Variants in MBNL2 observed in about 807,000 individuals in gnomAD.
MBNL2 encodes muscleblind like splicing regulator 2, also known as muscleblind-like protein 2.
A neutral mutation model predicts 41.9 loss-of-function variants in MBNL2; 17 were observed. The ratio of observed to expected loss-of-function variants is 0.41; its 90% confidence interval spans 0.28 to 0.61. The LOEUF (loss-of-function observed/expected upper bound fraction) is 0.61, where lower values mean the gene tolerates loss of function less well. MBNL2 is among the 20% of genes least tolerant of loss of function. The pLI, the probability that MBNL2 is intolerant of heterozygous loss-of-function variation, is 0.35. For missense variants in MBNL2, 336 were observed against 505.6 expected (o/e 0.66, Z 3.22); for synonymous variants, 195 against 182.9 (o/e 1.07, Z -0.53).
At chr13:97,204,165 CT>C in the MBNL2 span, among the ~76,000 whole-genome samples, 3 of 152,306 alleles carry the variant, frequency 2.0e-5, no homozygotes, top group Admixed American at 6.5e-5. Flanking sequence ...CACACGTACT[CT>C]TTCTGGGAGA....
chr13:97,300,938 A>G (rs1255544974), intron 2 of MBNL2, among the ~76,000 whole-genome samples: 1 of 152,248 alleles, frequency 6.6e-6, no homozygotes, highest in East Asian at 1.9e-4. Context: ...GAGTGATGAG[A>G]CGGAATTGTC....
the MBNL2 span, among the ~76,000 whole-genome samples, chr13:97,193,168 A>G: frequency 2.0e-5 from 3 of 152,242 alleles, no homozygotes; most frequent in African/African-American, 4.8e-5. Context: ...TCAGAAGTGA[A>G]GAAAAGAGAA....
chr13:97,259,342 G>A (rs1036474826), intron 1 of MBNL2, among the ~76,000 whole-genome samples: 1 of 152,094 alleles, frequency 6.6e-6, no homozygotes, highest in African/African-American at 2.4e-5. Context: ...CCCAGCTTTT[G>A]TCCTTTTCAC....
At chr13:97,388,079 C>T (rs768106980) in intron 8 of MBNL2, among the ~76,000 whole-genome samples, 2 of 152,084 alleles carry the variant, frequency 1.3e-5, no homozygotes, top group Non-Finnish European at 2.9e-5. Flanking sequence ...GTCTGTTGAG[C>T]TCACTTTGGT....
chr13:97,186,926 A>G, the MBNL2 span, among the ~76,000 whole-genome samples: 1 of 152,162 alleles, frequency 6.6e-6, no homozygotes. Flanking sequence ...TAATATATTA[A>G]TTTTGGATCT....
intron 3 of MBNL2, among the ~76,000 whole-genome samples, chr13:97,336,403 T>C (rs2060887422): frequency 1.3e-5 from 2 of 152,158 alleles, no homozygotes; most frequent in Admixed American, 1.3e-4. Flanking sequence ...TGTCACCTTA[T>C]AAGGAATCAG....
chr13:97,177,405 A>G, the MBNL2 span, among the ~76,000 whole-genome samples: 2 of 152,320 alleles, frequency 1.3e-5, no homozygotes, highest in East Asian at 1.9e-4. Context: ...TGCCATAAAA[A>G]TAGAACTCTT....
Position 97,275,058 on chromosome 13 carries a change from G to A in MBNL2, c.-604-574G>A, listed in dbSNP as rs112423487. 8.8e-3 allele frequency among the ~76,000 whole-genome samples: 1,337 copies of A among 152,284 alleles called. 22 individuals carry two copies. The highest frequency in any genetic ancestry group is 0.02 in the Middle Eastern group (6 of 294). ...TAGTCTTTGCCCTGTGAATGTTGCA[G>A]TGTAAATAGGAAGATAAACATTAGG... On this transcript the variant is annotated intron_variant, in intron 1 of 8. Coordinates refer to ENST00000679496, the MANE Select transcript of MBNL2 (RefSeq NM_001382683.1).
intron 1 of MBNL2, among the ~76,000 whole-genome samples, chr13:97,258,104 C>A (rs941188225): frequency 1.3e-5 from 2 of 152,042 alleles, no homozygotes; most frequent in African/African-American, 4.8e-5. Context: ...AAGGAAGGGG[C>A]GGTAGGATGC....
At chr13:97,375,103 G>A (rs916445602) in intron 8 of MBNL2, among the ~76,000 whole-genome samples, 5 of 152,256 alleles carry the variant, frequency 3.3e-5, no homozygotes, top group African/African-American at 1.2e-4. Context: ...TGTGGAGGAC[G>A]GACAAACCCA....
chr13:97,174,524 G>A, the MBNL2 span, among the ~76,000 whole-genome samples: 2 of 152,224 alleles, frequency 1.3e-5, no homozygotes, highest in East Asian at 1.9e-4. Flanking sequence ...ACTTAGCAGA[G>A]GGAAAAGAGC....
chr13:97,383,730 A>G (rs2065687972), intron 8 of MBNL2, among the ~76,000 whole-genome samples: 1 of 152,166 alleles, frequency 6.6e-6, no homozygotes, highest in African/African-American at 2.4e-5. Flanking sequence ...ATTTTTCCCC[A>G]GGACCTCAGT....
At chr13:97,250,101 C>T (rs750490901) in intron 1 of MBNL2, among the ~76,000 whole-genome samples, 1 of 152,112 alleles carries the variant, frequency 6.6e-6, no homozygotes, top group Non-Finnish European at 1.5e-5. Context: ...GCTTCTATTT[C>T]ATTTGTTCTT....
chr13:97,234,580 ATTG>A (rs760222724), intron 1 of MBNL2, among the ~76,000 whole-genome samples: 25 of 152,204 alleles, frequency 1.6e-4, no homozygotes, highest in Non-Finnish European at 3.5e-4. Flanking sequence ...ATGCTTTAAA[ATTG>A]TTTTCAGTCC....
intron 1 of MBNL2, among the ~76,000 whole-genome samples, chr13:97,263,952 G>A (rs940415368): frequency 2.0e-5 from 3 of 150,710 alleles, no homozygotes; most frequent in African/African-American, 7.3e-5. Flanking sequence ...GACAGTTGTA[G>A]TATAATCGAA....
intron 1 of MBNL2, among the ~76,000 whole-genome samples, chr13:97,239,182 A>T (rs2043821084): frequency 6.6e-6 from 1 of 152,256 alleles, no homozygotes; most frequent in South Asian, 2.1e-4. Context: ...ACTGTTTATT[A>T]TTTTCTTTAG....
chr13:97,242,272 G>A (rs376769781), intron 1 of MBNL2, among the ~76,000 whole-genome samples: 53 of 152,298 alleles, frequency 3.5e-4, no homozygotes, highest in African/African-American at 1.1e-3. Flanking sequence ...GAGCGGGCAC[G>A]TGGCTCAAAT....
At chr13:97,189,650 A>G in the MBNL2 span, among the ~76,000 whole-genome samples, 2 of 152,324 alleles carry the variant, frequency 1.3e-5, no homozygotes, top group East Asian at 3.9e-4. Context: ...GTCCATTTGC[A>G]TACATATATG....
intron 2 of MBNL2, among the ~76,000 whole-genome samples, chr13:97,326,094 C>G (rs1040627762): frequency 2.7e-5 from 4 of 149,332 alleles, no homozygotes; most frequent in African/African-American, 9.8e-5. Flanking sequence ...AGAGCTCTGC[C>G]CCATAGTCCA....
Sources: gnomAD v4.1 joint callset for allele counts (sites outside exome capture counted in the v4.1 genomes callset) on GRCh38, gnomAD v4.1.1 for gene constraint, MANE v1.5 for transcripts, NCBI Gene and HGNC (gene_info 2026-07-23, HGNC 2026-07-21) for gene names.